ERGIC1: variants seen among roughly 807,000 people sequenced by gnomAD.
ERGIC1 encodes the protein endoplasmic reticulum-Golgi intermediate compartment protein 1.
ERGIC1 carries 19 observed loss-of-function variants against 38.3 expected under a neutral mutation model. That is an observed-to-expected ratio of 0.50 (90% CI 0.35 to 0.73). ERGIC1 has a LOEUF of 0.73. ERGIC1 is among the 30% of genes least tolerant of loss of function. The pLI is 0.01. For synonymous variants in ERGIC1, 124 were observed against 157.6 expected (o/e 0.79, Z 1.60); for missense variants, 294 against 389.2 (o/e 0.76, Z 2.06).
At chr5:172,865,242 G>C (rs570010311) in intron 1 of ERGIC1, among the ~76,000 whole-genome samples, 1 of 152,160 alleles carries the variant, frequency 6.6e-6, no homozygotes, top group East Asian at 1.9e-4. Flanking sequence ...TTTTAGTAGA[G>C]ACTGGGTTTC....
intron 1 of ERGIC1, among the ~76,000 whole-genome samples, chr5:172,866,290 G>T (rs1346627448): frequency 6.6e-6 from 1 of 152,140 alleles, no homozygotes; most frequent in East Asian, 1.9e-4. Context: ...GGAGGGAGAT[G>T]CTCACAGCCC....
intron 1 of ERGIC1, among the ~76,000 whole-genome samples, chr5:172,886,943 C>T (rs926728024): frequency 6.6e-6 from 1 of 152,120 alleles, no homozygotes; most frequent in Non-Finnish European, 1.5e-5. Flanking sequence ...CCCAACCTCC[C>T]GACCACACCC....
intron 1 of ERGIC1, among the ~76,000 whole-genome samples, chr5:172,864,804 T>A (rs933046410): frequency 6.6e-6 from 1 of 151,428 alleles, no homozygotes; most frequent in African/African-American, 2.4e-5. Flanking sequence ...CACTGTCTCA[T>A]TTTGTCCTAA....
At position 172,847,587 on chromosome 5, in the gene ERGIC1, C is replaced by T. The variant is rs189809356; in HGVS notation, c.20+13154C>T. The stretch of plus-strand genomic sequence containing the variant: ...GGAGTGCAGTGGCATGATCTCGGCT[C>T]ACTGCAACCTCTGCCTCCCGGGTTC... On this transcript the variant is annotated intron_variant, in intron 1 of 9. Transcript: ENST00000393784. Among the ~76,000 whole-genome samples the T allele has an allele frequency of 5.0e-3, 764 of 152,226 alleles. 22 individuals carry two copies. The highest frequency in any genetic ancestry group is 0.044 in the Admixed American group (678 of 15,284).
At chr5:172,859,349 C>T (rs1172582424) in intron 1 of ERGIC1, among the ~76,000 whole-genome samples, 18 of 152,286 alleles carry the variant, frequency 1.2e-4, no homozygotes, top group Non-Finnish European at 1.5e-4. Context: ...CTTTGAGCTC[C>T]GTGTGAATGG....
chr5:172,851,856 T>C (rs2113038551), intron 1 of ERGIC1, among the ~76,000 whole-genome samples: 1 of 152,250 alleles, frequency 6.6e-6, no homozygotes, highest in South Asian at 2.1e-4. Flanking sequence ...CACTTTCTCA[T>C]TTGCAAAACA....
At chr5:172,863,695 C>T (rs1761778174) in intron 1 of ERGIC1, among the ~76,000 whole-genome samples, 2 of 152,168 alleles carry the variant, frequency 1.3e-5, no homozygotes, top group South Asian at 4.1e-4. Flanking sequence ...AAAAACCAAA[C>T]GTGTGACTTT....
intron 1 of ERGIC1, among the ~76,000 whole-genome samples, chr5:172,840,035 G>A (rs534318771): frequency 9.3e-4 from 142 of 152,286 alleles, no homozygotes; most frequent in African/African-American, 3.3e-3. Context: ...TCATTAAGAA[G>A]CTTAAAGCCA....
Position 172,950,895 on chromosome 5 carries a change from A to T in ERGIC1, c.*79A>T. The T allele has an allele frequency of 7.8e-7, 1 of 1,275,370 alleles. No homozygotes were observed. Among genetic ancestry groups the T allele is most frequent in the Non-Finnish European group, 1.1e-6 (1 of 920,974 alleles). 79.0% of individuals were successfully genotyped at this position (1,275,370 alleles called of 1,614,324 possible). ...AGTGCCCTGTCTCCTTTGGCCCTCA[A>T]TCTGGTCCCAAATCTGGCTGTGTCC... On this transcript the variant is annotated 3_prime_UTR_variant, in exon 10 of 10. Coordinates refer to ENST00000393784, the MANE Select transcript of ERGIC1 (RefSeq NM_001031711.3).
chr5:172,852,166 C>T (rs1476731289), intron 1 of ERGIC1, among the ~76,000 whole-genome samples: 1 of 152,112 alleles, frequency 6.6e-6, no homozygotes, highest in African/African-American at 2.4e-5. Flanking sequence ...TTTTTGTACC[C>T]CCACTTTGAG....
chr5:172,847,755 C>A (rs563451052), intron 1 of ERGIC1, among the ~76,000 whole-genome samples: 1 of 152,212 alleles, frequency 6.6e-6, no homozygotes, highest in Non-Finnish European at 1.5e-5. Context: ...CCTCGTGGTC[C>A]ACCCGCCTTG....
At chr5:172,940,558 T>C (rs1211509996) in intron 9 of ERGIC1, among the ~76,000 whole-genome samples, 1 of 152,056 alleles carries the variant, frequency 6.6e-6, no homozygotes, top group Non-Finnish European at 1.5e-5. Context: ...TTTATTTTAT[T>C]TTGGAGGAAC....
At chr5:172,871,406 C>T (rs935101770) in intron 1 of ERGIC1, among the ~76,000 whole-genome samples, 6 of 152,202 alleles carry the variant, frequency 3.9e-5, no homozygotes, top group Non-Finnish European at 8.8e-5. Flanking sequence ...CACTTAATTC[C>T]GATCTCCATT....
At chr5:172,908,539 G>A (rs1763113879) in intron 3 of ERGIC1, among the ~76,000 whole-genome samples, 2 of 151,614 alleles carry the variant, frequency 1.3e-5, no homozygotes, top group Non-Finnish European at 2.9e-5. Flanking sequence ...TCGCGCCACT[G>A]CACTCCAGCC....
intron 9 of ERGIC1, among the ~76,000 whole-genome samples, chr5:172,942,267 A>G (rs997144821): frequency 6.6e-6 from 1 of 152,190 alleles, no homozygotes; most frequent in Non-Finnish European, 1.5e-5. Context: ...GGTTCTACCC[A>G]CTAAGATGAT....
intron 1 of ERGIC1, chr5:172,867,031 T>A (rs752818866): frequency 2.6e-6 from 1 of 384,896 alleles, no homozygotes; most frequent in Non-Finnish European, 5.3e-6. Context: ...ATGATGCAGA[T>A]GGAGATGATG....
intron 3 of ERGIC1, among the ~76,000 whole-genome samples, chr5:172,897,641 A>C (rs1762756425): frequency 6.6e-6 from 1 of 152,234 alleles, no homozygotes; most frequent in Non-Finnish European, 1.5e-5. Flanking sequence ...AAAGATGAAC[A>C]GAAATAATTT....
rs1561739500 is a variant in ERGIC1 at position 172,926,387 on chromosome 5, C to A, written c.481-122C>A. 1 of 1,012,318 alleles carries A rather than the reference C, an allele frequency of 9.9e-7. No homozygotes were observed. Among genetic ancestry groups the A allele is most frequent in the Non-Finnish European group, 1.5e-6 (1 of 661,538 alleles). The allele number at this position is 1,012,318 out of a possible 1,614,324, so 62.7% of individuals were successfully genotyped here. Reference sequence around the variant, plus strand: ...CTTGCTCCCCACAAATCCGCTGGAGCCCCCTTTTACACATTGGTAGGGTTC... The same window carrying A: ...CTTGCTCCCCACAAATCCGCTGGAGACCCCTTTTACACATTGGTAGGGTTC... On this transcript the variant is annotated intron_variant, in intron 6 of 9. Transcript: ENST00000393784. This position sits in a 1 kb window ranked among gnomAD's most constrained non-coding sequence, Gnocchi z 5.2.
Position 172,924,070 on chromosome 5 carries a change from G to T in ERGIC1, c.441G>T (p.Thr147=). ...ATAQPQNPDM[T]HVIHKLSFGD... ...CCCAGCCACAGAACCCAGACATGAC[G>T]CATGTCATCCACAAGCTCTCCTTTG... The change falls in exon 6 of 10, where the codon ACG becomes ACT. Residue 147 remains threonine, a synonymous_variant. Transcript: ENST00000393784. The T allele has an allele frequency of 6.2e-7, 1 of 1,614,182 alleles. No homozygotes were observed. The highest frequency in any genetic ancestry group is 8.5e-7 in the Non-Finnish European group (1 of 1,180,046).
Sources: gnomAD v4.1 joint callset for allele counts (sites outside exome capture counted in the v4.1 genomes callset) on GRCh38, gnomAD v4.1.1 for gene constraint, Gnocchi (gnomAD v3.1) non-coding constraint, MANE v1.5 for transcripts, NCBI Gene and HGNC (gene_info 2026-07-23, HGNC 2026-07-21) for gene names.